The following ANKRD11 variants were observed in gnomAD, a reference collection of about 807,000 sequenced individuals.
ANKRD11 encodes the protein ankyrin repeat domain 11, also known as ankyrin repeat domain-containing protein 11.
A neutral mutation model predicts 195.7 loss-of-function variants in ANKRD11; 17 were observed. That is an observed-to-expected ratio of 0.09 (90% confidence interval 0.06 to 0.13). The LOEUF (loss-of-function observed/expected upper bound fraction) is 0.13, where lower values mean the gene tolerates loss of function less well. ANKRD11 is among the 10% of genes least tolerant of loss of function. ANKRD11 has a pLI of 1.00. For synonymous variants in ANKRD11, 1,953 were observed against 1,528.1 expected (o/e 1.28, Z -6.49); for missense variants, 3,735 against 3,566.1 (o/e 1.05, Z -1.21).
chr16:89,454,886 T>C (rs375197602), intron 1 of ANKRD11, among the ~76,000 whole-genome samples: 16 of 83,060 alleles, frequency 1.9e-4, no homozygotes, highest in East Asian at 4.3e-4. Flanking sequence ...TGGGTGCTTC[T>C]AGGGTTCCTC....
chr16:89,327,066 G>T lies in ANKRD11; in HGVS notation c.-59-9988C>A, dbSNP rs62070809. On this transcript the variant is annotated intron_variant, in intron 2 of 12. Coordinates refer to ENST00000301030, the MANE Select transcript of ANKRD11 (RefSeq NM_013275.6). The stretch of plus-strand genomic sequence containing the variant: ...ATGCAGAGGTGGGAAATGCAGAGGT[G>T]GGGAATGCAGAGGTTGGAAATGCAG... Among the ~76,000 whole-genome samples, 167 of 37,960 alleles carry T rather than the reference G, an allele frequency of 4.4e-3. 1 individual carries two copies. The highest frequency in any genetic ancestry group is 9.4e-3 in the African/African-American group (93 of 9,920). The allele number at this position is 37,960 out of a possible 152,430, so 24.9% of individuals were successfully genotyped here.
intron 1 of ANKRD11, among the ~76,000 whole-genome samples, chr16:89,420,887 T>C (rs1478335092): frequency 6.6e-6 from 1 of 152,210 alleles, no homozygotes; most frequent in African/African-American, 2.4e-5. Flanking sequence ...TCATTTAGAA[T>C]ACATGTTCAC....
At chr16:89,477,105 A>G (rs1435662716) in intron 1 of ANKRD11, among the ~76,000 whole-genome samples, 1 of 152,250 alleles carries the variant, frequency 6.6e-6, no homozygotes, top group Non-Finnish European at 1.5e-5. Flanking sequence ...TCTACTATTT[A>G]AAACACGAGA....
At chr16:89,451,362 G>A (rs1050759421) in intron 1 of ANKRD11, among the ~76,000 whole-genome samples, 2 of 151,328 alleles carry the variant, frequency 1.3e-5, no homozygotes, top group Non-Finnish European at 2.9e-5. Context: ...TCTTACTGAA[G>A]TGCCAAAAAT....
chr16:89,433,694 G>A (rs1567799792), intron 1 of ANKRD11, among the ~76,000 whole-genome samples: 1 of 148,500 alleles, frequency 6.7e-6, no homozygotes, highest in Non-Finnish European at 1.5e-5. Flanking sequence ...GACGCAGCAG[G>A]GCTGGGCACG....
chr16:89,280,901 C>T lies in ANKRD11; in HGVS notation c.5641G>A (p.Gly1881Ser), dbSNP rs2034169774. 2 of 1,602,316 alleles carry T rather than the reference C, an allele frequency of 1.2e-6. No individual in the cohort carries two copies. The highest frequency in any genetic ancestry group is 1.7e-6 in the Non-Finnish European group (2 of 1,171,786). The part of the protein sequence containing the change: ...AVVTVTPSPE[G>S]VFSSLQAKPS... ...TTTGCTTGTAAACTTGAGAAGACGC[C>T]CTCTGGAGACGGGGTGACAGTGACA... is the stretch of plus-strand genomic sequence containing the variant. The change falls in exon 9 of 13, where the codon GGC becomes AGC. Residue 1881 changes from glycine to serine, a missense_variant. By Grantham distance (56) the Gly-to-Ser change is moderately conservative. Coordinates refer to ENST00000301030, the MANE Select transcript of ANKRD11 (RefSeq NM_013275.6).
intron 2 of ANKRD11, among the ~76,000 whole-genome samples, chr16:89,338,832 C>G (rs572975933): frequency 4.1e-5 from 6 of 147,592 alleles, no homozygotes; most frequent in African/African-American, 1.5e-4. Flanking sequence ...CCAGGCAAAA[C>G]AATCATTTCC....
intron 3 of ANKRD11, among the ~76,000 whole-genome samples, chr16:89,314,576 T>G (rs79442858): frequency 0.012 from 1,854 of 152,192 alleles, 30 homozygotes; most frequent in African/African-American, 0.043. Context: ...GAGACTGCCT[T>G]CCCTGCAAGT....
chr16:89,366,057 A>G (rs3114866), intron 2 of ANKRD11, among the ~76,000 whole-genome samples: 146,577 of 150,780 alleles, frequency 0.97, 71,265 homozygotes, highest in East Asian at 1. Context: ...TTGAACCTGG[A>G]AGGTGGAGGT....
intron 2 of ANKRD11, among the ~76,000 whole-genome samples, chr16:89,370,331 C>T (rs1426228358): frequency 6.6e-6 from 1 of 152,166 alleles, no homozygotes; most frequent in African/African-American, 2.4e-5. Flanking sequence ...GAGCTGTGAG[C>T]CACAGTGCAG....
intron 1 of ANKRD11, among the ~76,000 whole-genome samples, chr16:89,489,701 C>T (rs1385989413): frequency 1.3e-5 from 2 of 151,458 alleles, no homozygotes; most frequent in Admixed American, 6.6e-5. Context: ...CAGCCCCTCC[C>T]GGCAGCCTCA....
At chr16:89,393,314 A>ATTT (rs573197657) in intron 2 of ANKRD11, among the ~76,000 whole-genome samples, 23 of 139,334 alleles carry the variant, frequency 1.7e-4, no homozygotes, top group African/African-American at 5.8e-4. Context: ...TTTTATTTTT[A>ATTT]TTTTTTTTTT....
intron 1 of ANKRD11, among the ~76,000 whole-genome samples, chr16:89,472,473 G>A (rs577171093): frequency 4.6e-5 from 7 of 152,302 alleles, no homozygotes; most frequent in South Asian, 2.1e-4. Flanking sequence ...GAAAAGCTCC[G>A]GCGGCAGAGC....
At chr16:89,386,552 G>A (rs749422377) in intron 2 of ANKRD11, among the ~76,000 whole-genome samples, 2 of 152,344 alleles carry the variant, frequency 1.3e-5, no homozygotes, top group East Asian at 1.9e-4. Flanking sequence ...GCAGTGGCCC[G>A]CAACGACCTT....
intron 2 of ANKRD11, among the ~76,000 whole-genome samples, chr16:89,382,994 C>T (rs1261992795): frequency 1.3e-5 from 2 of 152,206 alleles, no homozygotes; most frequent in African/African-American, 2.4e-5. Flanking sequence ...GCGTGAGCCA[C>T]CGTGCCAGGC....
rs551925247 is a variant in ANKRD11, at chr16:89,418,314, A to T, written c.-90T>A. 1.2e-4 allele frequency: 56 copies of T among 453,962 alleles called. No individual in the cohort carries two copies. Among genetic ancestry groups the T allele is most frequent in the Non-Finnish European group, 2.4e-4 (54 of 226,744 alleles). 28.1% of individuals were successfully genotyped at this position (453,962 alleles called of 1,614,324 possible). A position where few individuals can be genotyped will look rare whatever the true frequency, so the allele number is the denominator to read the frequency against. The stretch of plus-strand genomic sequence containing the variant: ...CCATAGCTGAAAGTCAGTGCTGACG[A>T]GGACTGTCTTTTAAATCCAATGGAG... On this transcript the variant is annotated 5_prime_UTR_variant, in exon 2 of 13. Transcript: ENST00000301030.
chr16:89,447,784 C>T (rs1251488684), intron 1 of ANKRD11, among the ~76,000 whole-genome samples: 1 of 151,460 alleles, frequency 6.6e-6, no homozygotes, highest in African/African-American at 2.4e-5. Flanking sequence ...TAATATTTTC[C>T]TAAAATACAA....
chr16:89,372,108 G>A (rs1195526423), intron 2 of ANKRD11, among the ~76,000 whole-genome samples: 3 of 152,188 alleles, frequency 2.0e-5, no homozygotes, highest in Admixed American at 1.3e-4. Context: ...GCGGGCACCC[G>A]GCCCTCGCAT....
At chr16:89,442,528 C>T (rs896214716) in intron 1 of ANKRD11, among the ~76,000 whole-genome samples, 1 of 152,156 alleles carries the variant, frequency 6.6e-6, no homozygotes, top group Non-Finnish European at 1.5e-5. Flanking sequence ...CTCTCTCTCT[C>T]AATACCCCTA....
Sources: allele counts gnomAD v4.1 joint callset (sites outside exome capture counted in the v4.1 genomes callset), GRCh38; gene constraint gnomAD v4.1.1; transcripts MANE v1.5; gene names NCBI Gene and HGNC (gene_info 2026-07-23, HGNC 2026-07-21).